TSPAN16: variants seen among roughly 807,000 people sequenced by gnomAD.
TSPAN16 encodes tetraspanin-16.
TSPAN16 carries 23 observed loss-of-function variants against 25.2 expected under a neutral mutation model. The ratio of observed to expected loss-of-function variants is 0.91; its 90% CI spans 0.66 to 1.29. TSPAN16 has a LOEUF of 1.29. Among genes scored for constraint, TSPAN16 ranks in the 50% most tolerant of loss-of-function variants. The probability of loss-of-function intolerance (pLI) is 0.00; values close to 1 mark genes in which losing one functional copy is unlikely to be tolerated. For missense variants in TSPAN16, 272 were observed against 299.9 expected, an observed-to-expected ratio of 0.91 and a Z score of 0.69; for synonymous variants, 123 against 124.4, an observed-to-expected ratio of 0.99 and a Z score of 0.08.
intron 6 of TSPAN16, among the ~76,000 whole-genome samples, chr19:11,321,046 G>A (rs924153305): frequency 6.6e-6 from 1 of 151,950 alleles, no homozygotes; most frequent in Non-Finnish European, 1.5e-5. Flanking sequence ...GAGTGTGCCT[G>A]TAATCCCAGC....
downstream of TSPAN16, among the ~76,000 whole-genome samples, chr19:11,319,506 G>C (rs1373063519): frequency 6.6e-6 from 1 of 152,148 alleles, no homozygotes; most frequent in Non-Finnish European, 1.5e-5. Flanking sequence ...GGCTGAGGCA[G>C]AAGAATCGCT....
At chr19:11,321,597 C>G (rs1206521132) in intron 6 of TSPAN16, among the ~76,000 whole-genome samples, 1 of 152,120 alleles carries the variant, frequency 6.6e-6, no homozygotes, top group Non-Finnish European at 1.5e-5. Flanking sequence ...GGGCAGGGGC[C>G]TGGTATGTTC....
chr19:11,296,307 A>G lies in TSPAN16; in HGVS notation c.10A>G (p.Ile4Val). 1 of 1,614,176 alleles carries G rather than the reference A, an allele frequency of 6.2e-7. No individual in the cohort carries two copies. The highest frequency in any genetic ancestry group is 1.3e-5 in the African/African-American group (1 of 75,054). ...CCCCAGTCTGTTCAGCATGGCTGAA[A>G]TCCACACTCCGTATTCTTCCTTGAA... MAE[I>V]HTPYSSLKKL... Residue 4 changes from isoleucine to valine, a missense_variant, in exon 1 of 7, where the codon ATC (isoleucine) becomes GTC (valine). Physicochemically the swap from Ile to Val is conservative, Grantham distance 29 (BLOSUM62 3). Coordinates refer to ENST00000590327, the MANE Select transcript of TSPAN16 (RefSeq NM_001282509.2).
chr19:11,310,519 A>G (rs1352244670), intron 5 of TSPAN16, among the ~76,000 whole-genome samples: 1 of 148,530 alleles, frequency 6.7e-6, no homozygotes, highest in Admixed American at 6.7e-5. Context: ...CCGTCTCAAA[A>G]AAAAAAAAAA....
downstream of TSPAN16, among the ~76,000 whole-genome samples, chr19:11,316,993 G>A (rs1026975582): frequency 2.0e-5 from 3 of 151,526 alleles, no homozygotes; most frequent in Non-Finnish European, 2.9e-5. Flanking sequence ...TGTATTGTTA[G>A]TAGACATGGA....
chr19:11,308,800 G>T (rs999840406), intron 5 of TSPAN16, among the ~76,000 whole-genome samples: 1 of 152,094 alleles, frequency 6.6e-6, no homozygotes, highest in African/African-American at 2.4e-5. Context: ...GTAGAAACGG[G>T]GTTTTACCAT....
rs1488380649 is a variant in TSPAN16 at position 11,296,227 on chromosome 19, T to C, written c.-71T>C. ...GCCCCTTCCTCAGATCCCTATCATC[T>C]TGGGAAACAGTAGCCCAGAGGTTCA... is the stretch of plus-strand genomic sequence containing the variant. On this transcript the variant is annotated 5_prime_UTR_variant, in exon 1 of 7. Transcript: ENST00000590327. 18 of 1,517,424 alleles carry C rather than the reference T, an allele frequency of 1.2e-5. No homozygotes were observed. The highest frequency in any genetic ancestry group is 1.7e-5 in the Admixed American group (1 of 58,318). The allele number at this position is 1,517,424 out of a possible 1,614,324, so 94.0% of individuals were successfully genotyped here. A position where few individuals can be genotyped will look rare whatever the true frequency, so the allele number is the denominator to read the frequency against.
At chr19:11,311,172 T>C (rs532240950) in intron 5 of TSPAN16, among the ~76,000 whole-genome samples, 1 of 152,312 alleles carries the variant, frequency 6.6e-6, no homozygotes, top group East Asian at 1.9e-4. Context: ...AGTCTCACTC[T>C]GTCGACAAGC....
At chr19:11,320,967 G>A (rs1222185711), downstream of TSPAN16, among the ~76,000 whole-genome samples, 2 of 151,890 alleles carry the variant, frequency 1.3e-5, no homozygotes, top group African/African-American at 2.4e-5. Context: ...TCAGGCGTTC[G>A]AGACCAGCCT....
At chr19:11,302,211 C>T (rs929076127) in intron 4 of TSPAN16, among the ~76,000 whole-genome samples, 6 of 152,002 alleles carry the variant, frequency 3.9e-5, no homozygotes, top group African/African-American at 1.4e-4. Flanking sequence ...CTAGAACTTC[C>T]TTATCTTCCC....
intron 6 of TSPAN16, among the ~76,000 whole-genome samples, chr19:11,325,956 C>T (rs925641189): frequency 1.3e-5 from 2 of 151,928 alleles, no homozygotes; most frequent in East Asian, 3.9e-4. Context: ...TGAGGAGGCT[C>T]ATGCCTATAA....
Position 11,306,637 on chromosome 19 carries a change from T to A in TSPAN16, c.484T>A (p.Phe162Ile). 3 of 1,613,734 alleles carry A rather than the reference T, an allele frequency of 1.9e-6. No homozygotes were observed. The highest frequency in any genetic ancestry group is 2.5e-6 in the Non-Finnish European group (3 of 1,180,018). ...KCCGVNNYTD[F>I]SGSSFEMTTG... ...CTGTGGGGTGAATAACTACACAGAT[T>A]TTTCTGGCTCTTCCTTCGAAATGAC... Residue 162 changes from phenylalanine (F) to isoleucine (I), a missense_variant, in exon 5 of 7, where the codon TTT becomes ATT. Phe to Ile is a conservative substitution (Grantham distance 21). Coordinates refer to ENST00000590327, the MANE Select transcript of TSPAN16 (RefSeq NM_001282509.2).
In TSPAN16 at chr19:11,306,654, C is replaced by T. The variant is rs776917315; in HGVS notation, c.501C>T (p.Phe167=). 9 of 1,613,856 alleles carry T rather than the reference C, an allele frequency of 5.6e-6. No homozygotes were observed. In the East Asian group the frequency reaches 6.7e-5, roughly 12 times the overall value. ...ACACAGATTTTTCTGGCTCTTCCTTCGAAATGACAACGGGCCACACCTACC... is the reference window on the plus strand; with the variant it reads ...ACACAGATTTTTCTGGCTCTTCCTTTGAAATGACAACGGGCCACACCTACC... The part of the protein sequence containing the change: ...NNYTDFSGSS[F]EMTTGHTYPR... Residue 167 remains phenylalanine, a synonymous_variant, in exon 5 of 7, where the codon TTC becomes TTT. Transcript: ENST00000590327.
intron 4 of TSPAN16, among the ~76,000 whole-genome samples, chr19:11,303,651 AG>A (rs1280239598): frequency 6.6e-6 from 1 of 150,634 alleles, no homozygotes; most frequent in African/African-American, 2.5e-5. Flanking sequence ...CTGGGATTAC[AG>A]GGGTAGCCAC....
chr19:11,322,595 C>CGAAA (rs2080786597), intron 6 of TSPAN16: 1 of 152,194 alleles, frequency 6.6e-6, no homozygotes, highest in African/African-American at 2.4e-5. Context: ...CATCAGTTTT[C>CGAAA]AGTCCCCAGA....
chr19:11,317,700 G>A (rs575615057), downstream of TSPAN16, among the ~76,000 whole-genome samples: 1 of 151,306 alleles, frequency 6.6e-6, no homozygotes, highest in Admixed American at 6.6e-5. Flanking sequence ...TCATCATGTT[G>A]GCCAGGATTG....
At chr19:11,320,122 C>CTTTTTTTTTTTTTTTTTTT (rs373015307), downstream of TSPAN16, among the ~76,000 whole-genome samples, 7 of 106,790 alleles carry the variant, frequency 6.6e-5, 1 homozygote, top group African/African-American at 1.2e-4. Context: ...CCGGCCAGGA[C>CTTTTTTTTTTTTTTTTTTT]TTTTTTTTTT....
At chr19:11,305,646 C>T (rs905682686) in intron 4 of TSPAN16, among the ~76,000 whole-genome samples, 1 of 152,094 alleles carries the variant, frequency 6.6e-6, no homozygotes, top group South Asian at 2.1e-4. Context: ...ATGGGTGGAT[C>T]GCTTGAGGCT....
chr19:11,325,451 C>T (rs1475667217), intron 6 of TSPAN16: 11 of 1,610,556 alleles, frequency 6.8e-6, no homozygotes, highest in South Asian at 2.2e-5. Context: ...ACGGCCGGGC[C>T]TTTCCCGTTG....
Sources: allele counts gnomAD v4.1 joint callset (sites outside exome capture counted in the v4.1 genomes callset), GRCh38; gene constraint gnomAD v4.1.1; transcripts MANE v1.5; gene names NCBI Gene and HGNC (gene_info 2026-07-23, HGNC 2026-07-21).